The following TAX1BP1 variants were observed in gnomAD, a reference collection of about 807,000 sequenced individuals.
TAX1BP1 encodes the protein tax1-binding protein 1.
A neutral mutation model predicts 97.7 loss-of-function variants in TAX1BP1; 62 were observed. The ratio of observed to expected loss-of-function variants is 0.63; its 90% CI spans 0.52 to 0.78. The LOEUF is 0.78. TAX1BP1 is among the 30% of genes least tolerant of loss of function. The pLI, the probability that TAX1BP1 is intolerant of heterozygous loss-of-function variation, is 0.00. For synonymous variants in TAX1BP1, 340 were observed against 304.2 expected (o/e 1.12, Z -1.23); for missense variants, 867 against 916.1 (o/e 0.95, Z 0.69).
In TAX1BP1 at chr7:27,816,953, G is replaced by T; in HGVS notation, c.2000G>T (p.Trp667Leu). The change falls in exon 15 of 17, where the codon TGG becomes TTG. Residue 667 changes from tryptophan to leucine, a missense_variant. Trp to Leu is a moderately conservative substitution (Grantham distance 61). Coordinates refer to ENST00000396319, the MANE Select transcript of TAX1BP1 (RefSeq NM_006024.7). ...IQRPPVRVPS[W>L]GLEDNVVCSQ... ...AGGCCACCTGTCAGAGTCCCCTCTT[G>T]GGGACTGGAAGACAATGTTGTCTGC... is the stretch of plus-strand genomic sequence containing the variant. The T allele has an allele frequency of 6.2e-7, 1 of 1,614,074 alleles. No individual in the cohort carries two copies. The highest frequency in any genetic ancestry group is 1.1e-5 in the South Asian group (1 of 91,080).
At chr7:27,813,890 T>G (rs1562740751) in intron 13 of TAX1BP1, among the ~76,000 whole-genome samples, 1 of 148,392 alleles carries the variant, frequency 6.7e-6, no homozygotes, top group Admixed American at 6.7e-5. Flanking sequence ...TTATGTGTAG[T>G]TTTTTTTTTA....
At chr7:27,780,427 CT>C (rs1372592386) in intron 5 of TAX1BP1, among the ~76,000 whole-genome samples, 1 of 152,194 alleles carries the variant, frequency 6.6e-6, no homozygotes, top group East Asian at 1.9e-4. Flanking sequence ...GTGAACGAGC[CT>C]TATAGTCGTT....
At chr7:27,785,968 T>G (rs1215927196) in intron 7 of TAX1BP1, among the ~76,000 whole-genome samples, 1 of 152,162 alleles carries the variant, frequency 6.6e-6, no homozygotes, top group Non-Finnish European at 1.5e-5. Flanking sequence ...ACAATTCATG[T>G]AACTATTTTT....
chr7:27,814,979 C>T (rs1790712037), intron 13 of TAX1BP1, among the ~76,000 whole-genome samples: 1 of 152,156 alleles, frequency 6.6e-6, no homozygotes, highest in Non-Finnish European at 1.5e-5. Context: ...CCTTGTGATC[C>T]ATCCGCCTCG....
chr7:27,797,976 C>T (rs183133149), intron 12 of TAX1BP1, among the ~76,000 whole-genome samples: 2 of 152,048 alleles, frequency 1.3e-5, no homozygotes, highest in Non-Finnish European at 2.9e-5. Flanking sequence ...CATCACTCTC[C>T]CAGTTTTTTT....
intron 15 of TAX1BP1, among the ~76,000 whole-genome samples, chr7:27,823,168 G>A (rs1791042542): frequency 6.6e-6 from 1 of 152,088 alleles, no homozygotes; most frequent in Admixed American, 6.6e-5. Context: ...GTCTGGCAAA[G>A]CATAAGCAAT....
intron 5 of TAX1BP1, 90 bp downstream of exon 5, chr7:27,769,924 A>G (rs890284173): frequency 1.5e-6 from 2 of 1,298,482 alleles, no homozygotes; most frequent in South Asian, 1.3e-5. Flanking sequence ...AAGTAAGTGA[A>G]AACCAGGTAC....
chr7:27,813,053 A>G (rs180721209), intron 13 of TAX1BP1, among the ~76,000 whole-genome samples: 3 of 151,210 alleles, frequency 2.0e-5, no homozygotes, highest in Non-Finnish European at 4.4e-5. Flanking sequence ...CTCCTCATCT[A>G]TATTCTTATG....
intron 1 of TAX1BP1, among the ~76,000 whole-genome samples, chr7:27,741,838 G>A (rs1462101289): frequency 6.6e-6 from 1 of 152,208 alleles, no homozygotes; most frequent in African/African-American, 2.4e-5. Context: ...TTGATCATTT[G>A]TGGGTGTTTC....
intron 13 of TAX1BP1, among the ~76,000 whole-genome samples, chr7:27,808,802 T>C (rs1057270399): frequency 6.6e-6 from 1 of 152,220 alleles, no homozygotes; most frequent in East Asian, 1.9e-4. Context: ...CTTTCTTAAA[T>C]TGTGGTGGCT....
At chr7:27,742,815 A>G (rs193001439) in intron 1 of TAX1BP1, among the ~76,000 whole-genome samples, 7 of 152,328 alleles carry the variant, frequency 4.6e-5, no homozygotes, top group African/African-American at 1.4e-4. Flanking sequence ...CACTGCAGCC[A>G]TGTTTGTAGA....
At chr7:27,798,570 A>G (rs1169608826) in intron 12 of TAX1BP1, among the ~76,000 whole-genome samples, 1 of 151,114 alleles carries the variant, frequency 6.6e-6, no homozygotes, top group Non-Finnish European at 1.5e-5. Context: ...AGGCTGGGGC[A>G]GGAGAATCGC....
At chr7:27,818,295 T>C (rs1790855486) in intron 15 of TAX1BP1, among the ~76,000 whole-genome samples, 1 of 152,200 alleles carries the variant, frequency 6.6e-6, no homozygotes, top group Admixed American at 6.5e-5. Context: ...TGGAGGACTC[T>C]TAATATGCAC....
intron 13 of TAX1BP1, among the ~76,000 whole-genome samples, chr7:27,806,033 A>G (rs1790322496): frequency 1.3e-5 from 2 of 150,270 alleles, no homozygotes; most frequent in Non-Finnish European, 3.0e-5. Flanking sequence ...CATTCCCTAC[A>G]CCCAGGTTAT....
At chr7:27,811,557 T>C (rs1208990610) in intron 13 of TAX1BP1, among the ~76,000 whole-genome samples, 4 of 151,910 alleles carry the variant, frequency 2.6e-5, no homozygotes, top group South Asian at 2.1e-4. Flanking sequence ...TTCATTCTTA[T>C]ATCCTTTGTT....
Position 27,829,722 on chromosome 7 carries a change from T to G in TAX1BP1, c.*893T>G, listed in dbSNP as rs751519547. 12 of 152,224 alleles carry G rather than the reference T, an allele frequency of 7.9e-5. No individual in the cohort carries two copies. Among genetic ancestry groups the G allele is most frequent in the Non-Finnish European group, 1.5e-4 (10 of 68,014 alleles). 9.4% of individuals were successfully genotyped at this position (152,224 alleles called of 1,614,324 possible). On this transcript the variant is annotated 3_prime_UTR_variant, in exon 17 of 17. Transcript: ENST00000396319. ...CAGTTATGTCTGTGCTGTATAGAAC[T>G]GTCACTAACATTAAAGAAAGAGGAC...
intron 1 of TAX1BP1, among the ~76,000 whole-genome samples, chr7:27,746,821 G>A (rs1353263251): frequency 6.6e-6 from 1 of 152,064 alleles, no homozygotes; most frequent in Non-Finnish European, 1.5e-5. Context: ...TCTCTTTTTG[G>A]GATATCCATT....
chr7:27,809,197 G>T (rs570795401), intron 13 of TAX1BP1, among the ~76,000 whole-genome samples: 2 of 152,088 alleles, frequency 1.3e-5, no homozygotes, highest in Non-Finnish European at 2.9e-5. Context: ...AATGTAATTC[G>T]AAACAAATGT....
intron 13 of TAX1BP1, among the ~76,000 whole-genome samples, chr7:27,813,350 C>CTTTTTTTTTT (rs1031717788): frequency 6.9e-6 from 1 of 145,390 alleles, no homozygotes; most frequent in South Asian, 2.2e-4. Flanking sequence ...CTTTTCTTTT[C>CTTTTTTTTTT]TTTTTTTTTT....
Sources: allele counts gnomAD v4.1 joint callset (sites outside exome capture counted in the v4.1 genomes callset), GRCh38; gene constraint gnomAD v4.1.1; transcripts MANE v1.5; gene names NCBI Gene and HGNC (gene_info 2026-07-23, HGNC 2026-07-21).